The following DPP10 variants were observed in gnomAD, a reference collection of about 807,000 sequenced individuals.
DPP10 encodes the protein inactive dipeptidyl peptidase 10.
A neutral mutation model predicts 120.9 loss-of-function variants in DPP10; 33 were observed. The ratio of observed to expected loss-of-function variants is 0.27; its 90% CI spans 0.21 to 0.37. The LOEUF (loss-of-function observed/expected upper bound fraction) is 0.37, where lower values mean the gene tolerates loss of function less well. Among genes scored for constraint, DPP10 ranks in the 10% least tolerant of loss-of-function variants. The probability of loss-of-function intolerance (pLI) is 1.00; values close to 1 mark genes in which losing one functional copy is unlikely to be tolerated. For missense variants in DPP10, 816 were observed against 942.8 expected, an observed-to-expected ratio of 0.87 and a Z score of 1.76; for synonymous variants, 337 against 326.1, an observed-to-expected ratio of 1.03 and a Z score of -0.36.
chr2:115,780,567 A>C (rs1682630658), intron 15 of DPP10, among the ~76,000 whole-genome samples: 1 of 151,866 alleles, frequency 6.6e-6, no homozygotes, highest in African/African-American at 2.4e-5. Flanking sequence ...AAATGCAAAA[A>C]ACAGTAAGTT....
chr2:114,673,424 T>C (rs1698476087), intron 1 of DPP10, among the ~76,000 whole-genome samples: 1 of 152,134 alleles, frequency 6.6e-6, no homozygotes, highest in Non-Finnish European at 1.5e-5. Context: ...ATTACCTTTT[T>C]CTTTTTTCTT....
chr2:115,384,614 AAGGAAGAAGAAG>A lies in DPP10; in HGVS notation c.271+40714_271+40725del, dbSNP rs1260227163. Among the ~76,000 whole-genome samples, 750 of 148,788 alleles carry A rather than the reference AAGGAAGAAGAAG, an allele frequency of 5.0e-3. 6 individuals carry two copies. Among genetic ancestry groups the A allele is most frequent in the African/African-American group, 0.018 (693 of 39,446 alleles). ...AAGGAAGAAGGAGGAAGAAGAAGTG[AAGGAAGAAGAAG>A]AGGAAGAAGAAAGAAGGAAGAAGAA... On this transcript the variant is annotated intron_variant, in intron 3 of 25. Coordinates refer to ENST00000410059, the MANE Select transcript of DPP10 (RefSeq NM_020868.6).
chr2:115,153,631 T>TCC (rs2051708730), intron 1 of DPP10, among the ~76,000 whole-genome samples: 1 of 152,192 alleles, frequency 6.6e-6, no homozygotes, highest in Non-Finnish European at 1.5e-5. Flanking sequence ...ACCCATGCTG[T>TCC]CATCACAGCA....
rs70941038 is a variant in DPP10, at chr2:115,277,447, C to CTTTTT, written c.61-31765_61-31761dup. 4.2e-4 allele frequency among the ~76,000 whole-genome samples: 21 copies of CTTTTT among 49,742 alleles called. 1 individual carries two copies. Among genetic ancestry groups the CTTTTT allele is most frequent in the African/African-American group, 7.8e-4 (10 of 12,768 alleles). The allele number at this position is 49,742 out of a possible 152,430, so 32.6% of individuals were successfully genotyped here. A position where few individuals can be genotyped will look rare whatever the true frequency, so the allele number is the denominator to read the frequency against. On this transcript the variant is annotated intron_variant, in intron 1 of 25. Coordinates refer to ENST00000410059, the MANE Select transcript of DPP10 (RefSeq NM_020868.6). ...AATTATACTTAAGTCCTGCCAGGGC[C>CTTTTT]TTTTTTTTTTTTTTTTTTTTTTTTT...
rs111725939 is a variant in DPP10, at chr2:115,017,243, GA to G, written c.61-291987del. On this transcript the variant is annotated intron_variant, in intron 1 of 25. Coordinates refer to ENST00000410059, the MANE Select transcript of DPP10 (RefSeq NM_020868.6). Reference sequence around the variant, plus strand: ...TTTAAAAAAATTAAAAAAAAAGAAAGAAAAAAAAATGCTCATCATCACTGGC... The same window carrying G: ...TTTAAAAAAATTAAAAAAAAAGAAAGAAAAAAAATGCTCATCATCACTGGC... Among the ~76,000 whole-genome samples the G allele has an allele frequency of 2.1e-3, 317 of 148,876 alleles. 5 individuals carry two copies. The highest frequency in any genetic ancestry group is 7.1e-3 in the African/African-American group (287 of 40,498).
At chr2:114,935,320 C>A (rs922638975) in intron 1 of DPP10, among the ~76,000 whole-genome samples, 1 of 152,046 alleles carries the variant, frequency 6.6e-6, no homozygotes, top group African/African-American at 2.4e-5. Flanking sequence ...ATCATTTCAG[C>A]CCTTATTTTT....
At chr2:115,124,073 G>T (rs1351072983) in intron 1 of DPP10, among the ~76,000 whole-genome samples, 1 of 151,578 alleles carries the variant, frequency 6.6e-6, no homozygotes, top group East Asian at 1.9e-4. Context: ...CTCCTGAGTA[G>T]CTGGGACTAC....
chr2:114,465,275 C>T (rs566079204), intron 1 of DPP10, among the ~76,000 whole-genome samples: 98 of 152,328 alleles, frequency 6.4e-4, no homozygotes, highest in African/African-American at 1.0e-3. Flanking sequence ...CAGGGCCTGA[C>T]GGAGTGTAGC....
chr2:115,197,971 T>G (rs1286673583), intron 1 of DPP10, among the ~76,000 whole-genome samples: 1 of 152,252 alleles, frequency 6.6e-6, no homozygotes, highest in East Asian at 1.9e-4. Context: ...ATTATATCAC[T>G]GTGATTTGTA....
At chr2:115,545,275 A>C (rs1003789560) in intron 5 of DPP10, among the ~76,000 whole-genome samples, 1 of 152,178 alleles carries the variant, frequency 6.6e-6, no homozygotes, top group Non-Finnish European at 1.5e-5. Context: ...ATATCTACTC[A>C]TTCATTTTTA....
intron 3 of DPP10, among the ~76,000 whole-genome samples, chr2:115,495,668 G>A (rs1028993431): frequency 1.3e-5 from 2 of 151,982 alleles, no homozygotes; most frequent in Non-Finnish European, 2.9e-5. Context: ...CCAAATTATG[G>A]GAAAAAAAAT....
chr2:114,648,491 C>T (rs561056515), intron 1 of DPP10, among the ~76,000 whole-genome samples: 2 of 152,212 alleles, frequency 1.3e-5, no homozygotes, highest in South Asian at 2.1e-4. Context: ...AGTACCAGTT[C>T]CCACTAAATT....
intron 1 of DPP10, among the ~76,000 whole-genome samples, chr2:114,775,723 A>G (rs567874254): frequency 6.6e-6 from 1 of 152,296 alleles, no homozygotes; most frequent in East Asian, 1.9e-4. Flanking sequence ...CACATTCCCA[A>G]CAATTAGAAT....
At chr2:115,633,719 T>G (rs1020205484) in intron 5 of DPP10, among the ~76,000 whole-genome samples, 1 of 152,166 alleles carries the variant, frequency 6.6e-6, no homozygotes, top group African/African-American at 2.4e-5. Context: ...TTAACATTTT[T>G]TCCTTCATTT....
At chr2:115,306,960 G>A (rs561156220) in intron 1 of DPP10, among the ~76,000 whole-genome samples, 101 of 152,144 alleles carry the variant, frequency 6.6e-4, no homozygotes, top group African/African-American at 2.3e-3. Flanking sequence ...ATTCTTTAAT[G>A]TACTTGTTCT....
chr2:115,138,350 A>C (rs2050752686), intron 1 of DPP10, among the ~76,000 whole-genome samples: 1 of 152,208 alleles, frequency 6.6e-6, no homozygotes, highest in Non-Finnish European at 1.5e-5. Context: ...CTAGAGCAGC[A>C]TTATAAAGCA....
intron 1 of DPP10, among the ~76,000 whole-genome samples, chr2:114,840,787 C>G (rs1330902595): frequency 6.6e-6 from 1 of 152,116 alleles, no homozygotes; most frequent in African/African-American, 2.4e-5. Context: ...CGTATTGTCA[C>G]TCTATTAAAC....
chr2:114,596,003 C>A (rs569740895), intron 1 of DPP10, among the ~76,000 whole-genome samples: 1 of 152,052 alleles, frequency 6.6e-6, no homozygotes, highest in Non-Finnish European at 1.5e-5. Context: ...GGATGAAGCT[C>A]CTCGGTATTT....
At chr2:115,234,021 A>G in intron 1 of DPP10, 1 of 502,272 alleles carries the variant, frequency 2.0e-6, no homozygotes, top group Non-Finnish European at 4.0e-6. Context: ...ATGCTTTTCA[A>G]GGTACCTTTA....
Sources: allele counts gnomAD v4.1 joint callset (sites outside exome capture counted in the v4.1 genomes callset), GRCh38; gene constraint gnomAD v4.1.1; transcripts MANE v1.5; gene names NCBI Gene and HGNC (gene_info 2026-07-23, HGNC 2026-07-21).